OAS3: variants seen among roughly 807,000 people sequenced by gnomAD.
OAS3 encodes the protein 2'-5'-oligoadenylate synthase 3.
A neutral mutation model predicts 113.0 loss-of-function variants in OAS3; 107 were observed. The ratio of observed to expected loss-of-function variants is 0.95; its 90% CI spans 0.81 to 1.11. The LOEUF is 1.11. OAS3 is among the 50% of genes most tolerant of loss of function. The pLI is 0.00. For synonymous variants in OAS3, 552 were observed against 573.6 expected (o/e 0.96, Z 0.54); for missense variants, 1,258 against 1,389.1 (o/e 0.91, Z 1.50).
intron 14 of OAS3, among the ~76,000 whole-genome samples, chr12:112,968,706 G>A (rs1196337182): frequency 6.6e-6 from 1 of 151,820 alleles, no homozygotes; most frequent in Admixed American, 6.6e-5. Flanking sequence ...GTTGAGACAG[G>A]GGTTTCACCA....
intron 7 of OAS3, among the ~76,000 whole-genome samples, chr12:112,955,106 G>C (rs952669976): frequency 2.6e-5 from 4 of 152,200 alleles, no homozygotes; most frequent in African/African-American, 9.7e-5. Flanking sequence ...GTTCACTCAT[G>C]ATTTGGCTCT....
chr12:112,949,141 C>A lies in OAS3; in HGVS notation c.1310C>A (p.Ala437Asp), dbSNP rs773826763. 2 of 1,613,884 alleles carry A rather than the reference C, an allele frequency of 1.2e-6. No homozygotes were observed. The highest frequency in any genetic ancestry group is 2.2e-5 in the East Asian group (1 of 44,858). Residue 437 changes from alanine to aspartate, a missense_variant, in exon 6 of 16, where the codon GCC becomes GAC. Ala to Asp is a moderately radical substitution (Grantham distance 126, BLOSUM62 -2). Transcript: ENST00000228928. ...CAGTTCCAGGAGCAGGTGAAAAAGGCCATTGACATCATCTTGCGCTGCCTC... is the reference window on the plus strand; with the variant it reads ...CAGTTCCAGGAGCAGGTGAAAAAGGACATTGACATCATCTTGCGCTGCCTC... ...SPQFQEQVKK[A>D]IDIILRCLHE... is the part of the protein sequence containing the mutation.
At chr12:112,967,656 C>T in intron 13 of OAS3, 63 bp downstream of exon 13, 1 of 1,546,882 alleles carries the variant, frequency 6.5e-7, no homozygotes, top group Non-Finnish European at 8.8e-7. Flanking sequence ...GAGCACTTTC[C>T]TGGGAGGAAG....
chr12:112,949,907 TA>T (rs1276439421), intron 6 of OAS3, among the ~76,000 whole-genome samples: 3 of 152,132 alleles, frequency 2.0e-5, no homozygotes, highest in African/African-American at 7.2e-5. Context: ...TAATCCCAGC[TA>T]TGCAGGAGGC....
chr12:112,966,633 A>C (rs796550117), intron 12 of OAS3, among the ~76,000 whole-genome samples: 4 of 152,214 alleles, frequency 2.6e-5, no homozygotes, highest in African/African-American at 9.6e-5. Context: ...TGGCCAAGGG[A>C]GGGATTCATG....
rs550978797 is a variant in OAS3 at position 112,971,934 on chromosome 12, C to T, written c.*1961C>T. On this transcript the variant is annotated 3_prime_UTR_variant, in exon 16 of 16. Coordinates refer to ENST00000228928, the MANE Select transcript of OAS3 (RefSeq NM_006187.4). ...CACCTCATCGATACTGCCTGGTAAT[C>T]CAAAGCTAGAACTCTCAGGACCCCA... is the stretch of plus-strand genomic sequence containing the variant. 2 of 152,462 alleles carry T rather than the reference C, an allele frequency of 1.3e-5. No individual in the cohort carries two copies. The highest frequency in any genetic ancestry group is 4.1e-4 in the South Asian group (2 of 4,822). 9.4% of individuals were successfully genotyped at this position (152,462 alleles called of 1,614,324 possible).
intron 1 of OAS3, among the ~76,000 whole-genome samples, chr12:112,939,977 G>T (rs373120992): frequency 1.3e-3 from 203 of 152,284 alleles, no homozygotes; most frequent in African/African-American, 4.7e-3. Context: ...CTACCTTGGA[G>T]ATGGACAGGA....
chr12:112,957,855 T>C (rs4435062), intron 7 of OAS3, among the ~76,000 whole-genome samples: 36,375 of 152,122 alleles, frequency 0.24, 5,237 homozygotes, highest in East Asian at 0.66. Context: ...TGGTGTTCTC[T>C]GTATTTCCTG....
intron 12 of OAS3, among the ~76,000 whole-genome samples, chr12:112,966,966 C>T (rs1482019780): frequency 3.9e-5 from 6 of 152,184 alleles, no homozygotes; most frequent in Non-Finnish European, 2.9e-5. Context: ...TGAATCTACT[C>T]AGTTCTTCAG....
chr12:112,940,019 C>T (rs910438375), intron 1 of OAS3, among the ~76,000 whole-genome samples: 2 of 152,194 alleles, frequency 1.3e-5, no homozygotes, highest in Non-Finnish European at 2.9e-5. Context: ...AAAGCCCTGG[C>T]ATCCTTAGCT....
In OAS3 at chr12:112,946,676, A is replaced by T. The variant is rs1593175514; in HGVS notation, c.637-67A>T. 9 of 1,387,056 alleles carry T rather than the reference A, an allele frequency of 6.5e-6. No individual in the cohort carries two copies. The East Asian group carries it at 2.2e-4, about 35-fold the overall frequency. The allele number at this position is 1,387,056 out of a possible 1,614,324, so 85.9% of individuals were successfully genotyped here. A position where few individuals can be genotyped will look rare whatever the true frequency, so the allele number is the denominator to read the frequency against. On this transcript the variant is annotated intron_variant, in intron 3 of 15. Coordinates refer to ENST00000228928, the MANE Select transcript of OAS3 (RefSeq NM_006187.4). ...GGCCTGGAAGGTCCCCAGTCTGGTT[A>T]TGCAGAGAGCTGGCTCTCTTTCCTC...
chr12:112,948,294 G>T (rs1483863054), intron 5 of OAS3, among the ~76,000 whole-genome samples, 195 bp downstream of exon 5: 1 of 152,240 alleles, frequency 6.6e-6, no homozygotes, highest in East Asian at 1.9e-4. Flanking sequence ...TCAGAGGTCA[G>T]GAGTTCGAGA....
Position 112,965,091 on chromosome 12 carries a change from G to A in OAS3, c.2404-653G>A, listed in dbSNP as rs529157460. ...GTGTACAAAAGGTCACACTGTCCAC[G>A]GCCCTGGATACAGCCTCAGTCCACA... On this transcript the variant is annotated intron_variant, in intron 11 of 15. Coordinates refer to ENST00000228928, the MANE Select transcript of OAS3 (RefSeq NM_006187.4). Among the ~76,000 whole-genome samples, 14 of 152,290 alleles carry A rather than the reference G, an allele frequency of 9.2e-5. No homozygotes were observed. The South Asian group carries it at 1.0e-3, about 11-fold the overall frequency.
At position 112,955,268 on chromosome 12, in the gene OAS3, C is replaced by G. The variant is rs544130674; in HGVS notation, c.1657+4293C>G. Among the ~76,000 whole-genome samples the G allele has an allele frequency of 4.6e-5, 7 of 152,344 alleles. 1 individual carries two copies. The highest frequency in any genetic ancestry group is 1.7e-4 in the African/African-American group (7 of 41,582). The stretch of plus-strand genomic sequence containing the variant: ...AATATACAATCATGTCATTTGCAAA[C>G]AGGGACAATTTGACTTCCTCGTTTC... On this transcript the variant is annotated intron_variant, in intron 7 of 15. Transcript: ENST00000228928.
At position 112,964,251 on chromosome 12, in the gene OAS3, A is replaced by G. The variant is rs540492977; in HGVS notation, c.2246A>G (p.Gln749Arg). ...TCTCTGCAGCCAGCCCTCCTTTACC[A>G]AACCCCAGCTGGGGACCTTGACAAG... ...PWDVMPALLYQTPAGDLDKFI... is the reference protein window; with the variant it reads ...PWDVMPALLYRTPAGDLDKFI... Residue 749 changes from glutamine to arginine, a missense_variant, in exon 11 of 16, where the codon CAA (glutamine) becomes CGA (arginine). By Grantham distance (43) the Gln-to-Arg change is conservative. Transcript: ENST00000228928. 6.3e-7 allele frequency: 1 copy of G among 1,593,786 alleles called. No individual in the cohort carries two copies. The highest frequency in any genetic ancestry group is 1.7e-5 in the Admixed American group (1 of 57,606).
In OAS3 at chr12:112,949,167, C is replaced by A. The variant is rs957356429; in HGVS notation, c.1336C>A (p.His446Asn). The A allele has an allele frequency of 1.2e-6, 2 of 1,613,248 alleles. No homozygotes were observed. Among genetic ancestry groups the A allele is most frequent in the Non-Finnish European group, 1.7e-6 (2 of 1,179,896 alleles). Residue 446 changes from histidine (H) to asparagine (N), a missense_variant, in exon 6 of 16, where the codon CAT (histidine) becomes AAT (asparagine). Coordinates refer to ENST00000228928, the MANE Select transcript of OAS3 (RefSeq NM_006187.4). The stretch of plus-strand genomic sequence containing the variant: ...CATTGACATCATCTTGCGCTGCCTC[C>A]ATGAGAACTGTGTTCACAAGGCCTC... ...KAIDIILRCL[H>N]ENCVHKASRV...
intron 5 of OAS3, 125 bp downstream of exon 5, chr12:112,948,224 G>GA: frequency 3.2e-6 from 3 of 945,604 alleles, no homozygotes; most frequent in South Asian, 2.8e-5. Flanking sequence ...GGCCAGGTGT[G>GA]GTGGCTCACG....
In OAS3 at chr12:112,967,414, C is replaced by G. The variant is rs748867986; in HGVS notation, c.2690-4C>G. On this transcript the variant is annotated splice_region_variant and splice_polypyrimidine_tract_variant and intron_variant, in intron 12 of 15. Coordinates refer to ENST00000228928, the MANE Select transcript of OAS3 (RefSeq NM_006187.4). ...AGTGATGGTAACCATCTCCCCATCT[C>G]CAGGCCAGCTGGTCTCTGGCTCCAG... is the stretch of plus-strand genomic sequence containing the variant. 2 of 1,609,852 alleles carry G rather than the reference C, an allele frequency of 1.2e-6. No individual in the cohort carries two copies. The highest frequency in any genetic ancestry group is 1.7e-6 in the Non-Finnish European group (2 of 1,177,930).
intron 2 of OAS3, among the ~76,000 whole-genome samples, chr12:112,943,371 T>C (rs919388722): frequency 2.0e-5 from 3 of 152,208 alleles, no homozygotes; most frequent in East Asian, 1.9e-4. Flanking sequence ...AATTTTACCA[T>C]TGGGGAAACT....
Sources: gnomAD v4.1 joint callset for allele counts (sites outside exome capture counted in the v4.1 genomes callset) on GRCh38, gnomAD v4.1.1 for gene constraint, MANE v1.5 for transcripts, NCBI Gene and HGNC (gene_info 2026-07-23, HGNC 2026-07-21) for gene names.